The following SLCO1B3 variants were observed in gnomAD, a reference collection of about 807,000 sequenced individuals.
The protein encoded by SLCO1B3 is solute carrier organic anion transporter family member 1B3, also known as liver-specific organic anion transporter 2.
SLCO1B3 carries 72 observed loss-of-function variants against 71.8 expected under a neutral mutation model. The ratio of observed to expected loss-of-function variants is 1.00; its 90% confidence interval spans 0.83 to 1.22. The LOEUF (loss-of-function observed/expected upper bound fraction) is 1.22, where lower values mean the gene tolerates loss of function less well. SLCO1B3 is among the 50% of genes most tolerant of loss of function. The probability of loss-of-function intolerance (pLI) is 0.00; values close to 1 mark genes in which losing one functional copy is unlikely to be tolerated. For missense variants in SLCO1B3, 911 were observed against 819.7 expected, an observed-to-expected ratio of 1.11 and a Z score of -1.36; for synonymous variants, 298 against 278.4, an observed-to-expected ratio of 1.07 and a Z score of -0.70.
intron 3 of SLCO1B3, among the ~76,000 whole-genome samples, chr12:20,845,936 G>A (rs1014543194): frequency 6.0e-5 from 9 of 150,350 alleles, no homozygotes; most frequent in African/African-American, 2.2e-4. Context: ...CTTTTTGTTG[G>A]ATTGATTTCT....
Position 20,895,926 on chromosome 12 carries a change from T to G in SLCO1B3, c.1683-2510T>G, listed in dbSNP as rs563612476. Among the ~76,000 whole-genome samples, 4 of 152,320 alleles carry G rather than the reference T, an allele frequency of 2.6e-5. No homozygotes were observed. In the South Asian group the frequency reaches 6.2e-4, roughly 24 times the overall value. ...GTTCCCAAACCTCAATTATTGACTT[T>G]TGTGCACCCACAGGCTCAACACCAC... On this transcript the variant is annotated intron_variant, in intron 13 of 15. Coordinates refer to ENST00000381545, the MANE Select transcript of SLCO1B3 (RefSeq NM_019844.4).
chr12:20,825,961 GAATT>G (rs1442073519), intron 3 of SLCO1B3, among the ~76,000 whole-genome samples: 1 of 151,766 alleles, frequency 6.6e-6, no homozygotes, highest in Non-Finnish European at 1.5e-5. Flanking sequence ...TAAGAATAAC[GAATT>G]ATTTTGATAA....
intron 15 of SLCO1B3, among the ~76,000 whole-genome samples, chr12:20,912,236 T>C (rs1012838302): frequency 1.3e-5 from 2 of 151,768 alleles, no homozygotes; most frequent in African/African-American, 2.4e-5. Context: ...TTTAATTCCC[T>C]TGTGGTTTAA....
In SLCO1B3 at chr12:20,838,611, A is replaced by G. The variant is rs114341798; in HGVS notation, c.85-16417A>G. ...ACACCTAGGCTATATGTTATAGCCT[A>G]TTGCTTTGAGGCTACAAACCTTTAC... On this transcript the variant is annotated intron_variant, in intron 3 of 15. Transcript: ENST00000381545. Among the ~76,000 whole-genome samples, 292 of 152,190 alleles carry G rather than the reference A, an allele frequency of 1.9e-3. 1 individual carries two copies. The highest frequency in any genetic ancestry group is 6.9e-3 in the African/African-American group (287 of 41,560).
chr12:20,868,562 A>G (rs1865415110), intron 8 of SLCO1B3, among the ~76,000 whole-genome samples: 2 of 152,186 alleles, frequency 1.3e-5, no homozygotes, highest in South Asian at 2.1e-4. Flanking sequence ...TATGCCTCAC[A>G]TAAATGTAAT....
intron 3 of SLCO1B3, among the ~76,000 whole-genome samples, chr12:20,831,127 G>A (rs1379434719): frequency 6.6e-6 from 1 of 152,124 alleles, no homozygotes; most frequent in Non-Finnish European, 1.5e-5. Flanking sequence ...GGGAGGCCGA[G>A]GCTGGCAGAT....
At chr12:20,854,417 C>G (rs6487159) in intron 3 of SLCO1B3, among the ~76,000 whole-genome samples, 110,107 of 152,006 alleles carry the variant, frequency 0.72, 42,459 homozygotes, top group South Asian at 0.9. Context: ...GTTGGCTCTT[C>G]CTGGTGAATT....
chr12:20,828,751 A>G (rs71446731), intron 3 of SLCO1B3, among the ~76,000 whole-genome samples: 41,792 of 151,930 alleles, frequency 0.28, 5,905 homozygotes, highest in African/African-American at 0.3. Flanking sequence ...TTTCATTACC[A>G]TATTTTAGCT....
chr12:20,872,511 C>T (rs1074745), intron 8 of SLCO1B3, among the ~76,000 whole-genome samples: 109,940 of 151,796 alleles, frequency 0.72, 42,420 homozygotes, highest in South Asian at 0.9. Flanking sequence ...TCTTTCACCG[C>T]AACCACCATG....
intron 12 of SLCO1B3, 86 bp from the exon 13 acceptor site, chr12:20,883,332 A>C: frequency 1.4e-6 from 1 of 730,386 alleles, no homozygotes; most frequent in Admixed American, 3.9e-5. Context: ...TTTTAGTTTG[A>C]GACTTCTTTA....
chr12:20,876,279 A>G (rs1454246873), intron 9 of SLCO1B3, among the ~76,000 whole-genome samples: 1 of 152,098 alleles, frequency 6.6e-6, no homozygotes, highest in African/African-American at 2.4e-5. Flanking sequence ...AATCAAGAGA[A>G]TGATCTGGCA....
rs150034136 is a variant in SLCO1B3 at position 20,829,742 on chromosome 12, G to A, written c.84+13920G>A. Among the ~76,000 whole-genome samples the A allele has an allele frequency of 9.9e-5, 15 of 152,258 alleles. No individual in the cohort carries two copies. In the East Asian group the frequency reaches 2.3e-3, roughly 24 times the overall value. On this transcript the variant is annotated intron_variant, in intron 3 of 15. Transcript: ENST00000381545. ...GCTATTCCATAGAGAGAGCAGCCCC[G>A]AGGGCTGCTGGTTACCCATTTTTAT... is the stretch of plus-strand genomic sequence containing the variant.
intron 3 of SLCO1B3, among the ~76,000 whole-genome samples, chr12:20,854,757 T>A (rs1448750562): frequency 6.6e-6 from 1 of 152,136 alleles, no homozygotes; most frequent in Non-Finnish European, 1.5e-5. Flanking sequence ...TTCCTATAAA[T>A]CAGTTAATGA....
intron 13 of SLCO1B3, among the ~76,000 whole-genome samples, chr12:20,888,437 AT>A (rs1565603280): frequency 1.3e-5 from 2 of 151,628 alleles, no homozygotes; most frequent in South Asian, 2.1e-4. Flanking sequence ...ATGTATTACT[AT>A]TTTTTATATT....
Position 20,879,623 on chromosome 12 carries a change from C to T in SLCO1B3, c.1323C>T (p.Thr441=). 1 of 1,604,710 alleles carries T rather than the reference C, an allele frequency of 6.2e-7. No homozygotes were observed. The highest frequency in any genetic ancestry group is 8.5e-7 in the Non-Finnish European group (1 of 1,173,890). The change falls in exon 11 of 16, where the codon ACC becomes ACT. Residue 441 remains threonine, a synonymous_variant. Coordinates refer to ENST00000381545, the MANE Select transcript of SLCO1B3 (RefSeq NM_019844.4). ...AATCAGTTGCCGGCCTAACCTTGAC[C>T]TATGATGGGTTTGTATATATTGCTA... The part of the protein sequence containing the change: ...ESKSVAGLTL[T]YDGNNSVASH...
intron 14 of SLCO1B3, among the ~76,000 whole-genome samples, chr12:20,900,878 C>A (rs1473173375): frequency 3.9e-5 from 6 of 152,144 alleles, no homozygotes; most frequent in African/African-American, 1.4e-4. Context: ...TTTTAATTAT[C>A]TTAAAATAGT....
At chr12:20,906,512 T>C (rs1221422939) in intron 15 of SLCO1B3, among the ~76,000 whole-genome samples, 1 of 152,188 alleles carries the variant, frequency 6.6e-6, no homozygotes, top group African/African-American at 2.4e-5. Flanking sequence ...AATGTATCAA[T>C]ATTCCTTCAT....
At chr12:20,889,572 CT>C (rs1865861592) in intron 13 of SLCO1B3, among the ~76,000 whole-genome samples, 1 of 151,926 alleles carries the variant, frequency 6.6e-6, no homozygotes, top group African/African-American at 2.4e-5. Flanking sequence ...TCTGATTGTC[CT>C]TATTTGAATC....
At chr12:20,879,709 A>G in intron 11 of SLCO1B3, 78 bp downstream of exon 11, 1 of 958,800 alleles carries the variant, frequency 1.0e-6, no homozygotes, top group Non-Finnish European at 1.5e-6. Context: ...AAAATAAGGT[A>G]GAAAACAATT....
Sources: allele counts gnomAD v4.1 joint callset (sites outside exome capture counted in the v4.1 genomes callset), GRCh38; gene constraint gnomAD v4.1.1; transcripts MANE v1.5; gene names NCBI Gene and HGNC (gene_info 2026-07-23, HGNC 2026-07-21).